HACD3: variants seen among roughly 807,000 people sequenced by gnomAD.
HACD3 encodes very-long-chain (3R)-3-hydroxyacyl-CoA dehydratase 3.
Under a neutral mutation model 55.2 loss-of-function variants are expected in HACD3, and 30 were observed. The observed-to-expected ratio is 0.54, with a 90% CI of 0.41 to 0.74. HACD3 has a LOEUF of 0.74. Ranked by LOEUF, HACD3 falls within the 30% of genes least tolerant of loss-of-function variation. The pLI, the probability that HACD3 is intolerant of heterozygous loss-of-function variation, is 0.00. For synonymous variants in HACD3, 141 were observed against 151.7 expected, an observed-to-expected ratio of 0.93 and a Z score of 0.52; for missense variants, 363 against 440.1, an observed-to-expected ratio of 0.82 and a Z score of 1.57.
chr15:65,537,255 C>T (rs2141203528), intron 1 of HACD3, among the ~76,000 whole-genome samples: 1 of 152,248 alleles, frequency 6.6e-6, no homozygotes, highest in South Asian at 2.1e-4. Flanking sequence ...AGCAAGTTAT[C>T]CAGAAGATCT....
intron 7 of HACD3, among the ~76,000 whole-genome samples, chr15:65,567,149 C>G (rs956856821): frequency 6.6e-6 from 1 of 151,774 alleles, no homozygotes; most frequent in Non-Finnish European, 1.5e-5. Context: ...ATAGTGAGAC[C>G]CCATTTCTAA....
intron 1 of HACD3, among the ~76,000 whole-genome samples, chr15:65,542,510 C>A (rs1238294686): frequency 6.6e-6 from 1 of 152,086 alleles, no homozygotes; most frequent in African/African-American, 2.4e-5. Context: ...GCGATCTACC[C>A]ACCTTGGTCT....
rs1159519275 is a variant in HACD3, at chr15:65,577,201, C to CA, written c.*823dup. 6.6e-6 allele frequency: 1 copy of CA among 152,150 alleles called. No individual in the cohort carries two copies. The highest frequency in any genetic ancestry group is 1.5e-5 in the Non-Finnish European group (1 of 68,072). 9.4% of individuals were successfully genotyped at this position (152,150 alleles called of 1,614,324 possible). On this transcript the variant is annotated 3_prime_UTR_variant, in exon 11 of 11. Transcript: ENST00000261875. ...GCACTTTGGGACACCTAGGTGGGAG[C>CA]ATCGCTTGAAGCCAGGAGTTCAAGA... is the stretch of plus-strand genomic sequence containing the variant.
At chr15:65,553,648 A>G (rs1204271453) in intron 2 of HACD3, among the ~76,000 whole-genome samples, 1 of 152,218 alleles carries the variant, frequency 6.6e-6, no homozygotes, top group Admixed American at 6.5e-5. Flanking sequence ...AATTATATAC[A>G]TTTACATGAA....
At chr15:65,571,191 T>C (rs577982564) in intron 8 of HACD3, among the ~76,000 whole-genome samples, 3 of 152,350 alleles carry the variant, frequency 2.0e-5, no homozygotes, top group Non-Finnish European at 4.4e-5. Flanking sequence ...CTGTATACTT[T>C]AATTTTGGTA....
chr15:65,549,359 G>A (rs1228509244), intron 1 of HACD3, among the ~76,000 whole-genome samples: 1 of 150,726 alleles, frequency 6.6e-6, no homozygotes, highest in Non-Finnish European at 1.5e-5. Flanking sequence ...AGGCCGAGGT[G>A]GGCGGATCAC....
chr15:65,570,258 C>T, intron 8 of HACD3, 55 bp downstream of exon 8: 1 of 1,288,992 alleles, frequency 7.8e-7, no homozygotes, highest in Non-Finnish European at 1.1e-6. Context: ...TGCAGCAGCT[C>T]TGTTCTTGAG....
At chr15:65,531,066 C>G (rs1449190020) in intron 1 of HACD3, among the ~76,000 whole-genome samples, 1 of 152,148 alleles carries the variant, frequency 6.6e-6, no homozygotes, top group Non-Finnish European at 1.5e-5. Context: ...GGCTGGGGCC[C>G]TTCGAGATGT....
chr15:65,549,964 G>A (rs1049094499), intron 1 of HACD3, among the ~76,000 whole-genome samples: 3 of 152,206 alleles, frequency 2.0e-5, no homozygotes, highest in South Asian at 4.1e-4. Flanking sequence ...AATGCAGATC[G>A]ATCCTCTGTA....
chr15:65,539,882 A>C (rs1220633721), intron 1 of HACD3, among the ~76,000 whole-genome samples: 4 of 152,202 alleles, frequency 2.6e-5, no homozygotes, highest in African/African-American at 9.6e-5. Flanking sequence ...TATTTTTGTG[A>C]CATGTCAAAT....
At chr15:65,562,047 C>T (rs2072249197) in intron 5 of HACD3, among the ~76,000 whole-genome samples, 1 of 152,236 alleles carries the variant, frequency 6.6e-6, no homozygotes, top group African/African-American at 2.4e-5. Context: ...TGCCACCCTC[C>T]AGGAACCTCC....
In HACD3 at chr15:65,558,720, G is replaced by T. The variant is rs78181111; in HGVS notation, c.410G>T (p.Gly137Val). The change falls in exon 5 of 11, where the codon GGC becomes GTC. Residue 137 changes from glycine to valine, a missense_variant. Transcript: ENST00000261875. ...RLNKLRLESE[G>V]SPETLTNLRK... ...AATAAACTCCGACTGGAAAGCGAAG[G>T]CTCTCCTGAAAGTAAGTTGTGCTGC... is the stretch of plus-strand genomic sequence containing the variant. 5 of 1,601,446 alleles carry T rather than the reference G, an allele frequency of 3.1e-6. No individual in the cohort carries two copies. The African/African-American group carries it at 4.0e-5, about 13-fold the overall frequency.
chr15:65,555,131 G>A (rs1311124883), intron 3 of HACD3, among the ~76,000 whole-genome samples, 171 bp downstream of exon 3: 2 of 152,226 alleles, frequency 1.3e-5, no homozygotes, highest in African/African-American at 4.8e-5. Flanking sequence ...GAATGGGAAA[G>A]TCAGAGACCC....
At chr15:65,537,440 C>T (rs2071965185) in intron 1 of HACD3, among the ~76,000 whole-genome samples, 1 of 151,990 alleles carries the variant, frequency 6.6e-6, no homozygotes, top group African/African-American at 2.4e-5. Flanking sequence ...CAGCTGGTGG[C>T]TTGAAGTTGA....
intron 7 of HACD3, chr15:65,564,624 TATTC>T: frequency 3.2e-6 from 1 of 315,754 alleles, no homozygotes; most frequent in East Asian, 8.0e-5. Context: ...TCGTGAGACT[TATTC>T]ACTATCCTGA....
chr15:65,552,332 A>AATTT (rs1480136872), intron 2 of HACD3, among the ~76,000 whole-genome samples: 2 of 151,878 alleles, frequency 1.3e-5, no homozygotes, highest in Non-Finnish European at 2.9e-5. Context: ...TAAAATAGAA[A>AATTT]ATTTATTTAT....
intron 1 of HACD3, chr15:65,535,699 T>A: frequency 5.8e-6 from 1 of 172,332 alleles, no homozygotes; most frequent in East Asian, 1.4e-4. Context: ...TGATGTTAAC[T>A]TTTTTTTTTT....
At chr15:65,574,574 C>G (rs990947720) in intron 10 of HACD3, 6 of 152,204 alleles carry the variant, frequency 3.9e-5, no homozygotes, top group African/African-American at 1.4e-4. Flanking sequence ...GCCAGAAAGC[C>G]CAGTGGTCTT....
intron 1 of HACD3, 82 bp downstream of exon 1, chr15:65,530,800 G>A (rs1027713733): frequency 3.0e-6 from 4 of 1,327,946 alleles, no homozygotes; most frequent in Non-Finnish European, 4.1e-6. Flanking sequence ...CTTTGTCCGC[G>A]TGCGCGCCGG....
Sources: allele counts gnomAD v4.1 joint callset (sites outside exome capture counted in the v4.1 genomes callset), GRCh38; gene constraint gnomAD v4.1.1; transcripts MANE v1.5; gene names NCBI Gene and HGNC (gene_info 2026-07-23, HGNC 2026-07-21).